Variants in SATB2 observed in about 807,000 individuals in gnomAD.
SATB2 encodes DNA-binding protein SATB2.
A neutral mutation model predicts 73.4 loss-of-function variants in SATB2; 1 was observed. The ratio of observed to expected loss-of-function variants is 0.01; its 90% CI spans 0.00 to 0.06. The LOEUF (loss-of-function observed/expected upper bound fraction) is 0.06. Among genes scored for constraint, SATB2 ranks in the 10% least tolerant of loss-of-function variants. The pLI is 1.00. For missense variants in SATB2, 459 were observed against 945.8 expected (o/e 0.49, Z 6.75); for synonymous variants, 397 against 367.0 (o/e 1.08, Z -0.93).
chr2:199,318,600 C>T (rs771290497), intron 9 of SATB2, among the ~76,000 whole-genome samples: 9 of 152,108 alleles, frequency 5.9e-5, no homozygotes, highest in Admixed American at 1.3e-4. Context: ...CTAACTATGT[C>T]TGGGTCATGA....
At chr2:199,396,070 A>G (rs1690291734) in intron 3 of SATB2, 1 of 152,252 alleles carries the variant, frequency 6.6e-6, no homozygotes, top group Non-Finnish European at 1.5e-5. Context: ...GTGATTTTCA[A>G]TATGGGCTAA....
intron 10 of SATB2, among the ~76,000 whole-genome samples, chr2:199,306,841 T>C (rs1239022923): frequency 6.6e-6 from 1 of 152,186 alleles, no homozygotes; most frequent in African/African-American, 2.4e-5. Context: ...CCCTCAATTA[T>C]AACAAACAAT....
At position 199,272,036 on chromosome 2, in the gene SATB2, T is replaced by C. The variant is rs1692172753; in HGVS notation, c.*175A>G. ...TTATTCAGTCTATAGGTGTATCCTG[T>C]GCAACAAAGAAATGTCCAAAAGGGT... is the stretch of plus-strand genomic sequence containing the variant. On this transcript the variant is annotated 3_prime_UTR_variant, in exon 11 of 11. Transcript: ENST00000417098. The surrounding 1 kb of genome is among the most constrained non-coding windows in gnomAD (Gnocchi z 6.7). 5.9e-6 allele frequency: 4 copies of C among 675,464 alleles called. No individual in the cohort carries two copies. The highest frequency in any genetic ancestry group is 1.7e-5 in the South Asian group (1 of 58,916). The allele number at this position is 675,464 out of a possible 1,614,324, so 41.8% of individuals were successfully genotyped here. A position where few individuals can be genotyped will look rare whatever the true frequency, so the allele number is the denominator to read the frequency against.
intron 10 of SATB2, among the ~76,000 whole-genome samples, chr2:199,300,514 C>T (rs1687252737): frequency 6.6e-6 from 1 of 151,838 alleles, no homozygotes; most frequent in South Asian, 2.1e-4. Flanking sequence ...CTTTAAAAAT[C>T]TCAATATTCT....
intron 3 of SATB2, among the ~76,000 whole-genome samples, chr2:199,412,603 T>G (rs915641959): frequency 6.6e-6 from 1 of 152,154 alleles, no homozygotes; most frequent in African/African-American, 2.4e-5. Context: ...AACTAGGTAA[T>G]AAGTCCCCCA....
chr2:199,332,614 C>T (rs1178119166), intron 7 of SATB2, among the ~76,000 whole-genome samples: 2 of 151,860 alleles, frequency 1.3e-5, no homozygotes, highest in African/African-American at 4.8e-5. Flanking sequence ...AAATTAATGC[C>T]CTTATTTTTT....
rs115236780 is a variant in SATB2, at chr2:199,455,227, T to C, written c.169+642A>G. On this transcript the variant is annotated intron_variant, in intron 2 of 10. Coordinates refer to ENST00000417098, the MANE Select transcript of SATB2 (RefSeq NM_001172509.2). This position sits in a 1 kb window ranked among gnomAD's most constrained non-coding sequence, Gnocchi z 4.1. The stretch of plus-strand genomic sequence containing the variant: ...TCTTTGGAGGGGAAACTACATCTAG[T>C]TGATAAGGCTACTTTGCTATTTTTA... 6.7e-3 allele frequency among the ~76,000 whole-genome samples: 1,017 copies of C among 152,370 alleles called. 11 individuals are homozygous for C. Among genetic ancestry groups the C allele is most frequent in the African/African-American group, 0.019 (790 of 41,592 alleles).
chr2:199,429,149 T>C (rs79178706), intron 3 of SATB2, among the ~76,000 whole-genome samples: 4,393 of 152,284 alleles, frequency 0.029, 237 homozygotes, highest in African/African-American at 0.1. Context: ...ATCTGTATCA[T>C]GTATAAATTT....
chr2:199,307,614 C>T (rs575776892), intron 10 of SATB2, among the ~76,000 whole-genome samples: 8 of 152,264 alleles, frequency 5.3e-5, no homozygotes, highest in South Asian at 4.1e-4. Context: ...ATTCACTCTG[C>T]GACTTTGGCC....
intron 6 of SATB2, among the ~76,000 whole-genome samples, chr2:199,360,510 G>C (rs948133063): frequency 5.9e-5 from 9 of 152,040 alleles, no homozygotes; most frequent in African/African-American, 1.4e-4. Flanking sequence ...CATGGCATGA[G>C]CTGCCCATCC....
At chr2:199,293,554 C>T (rs948546884) in intron 10 of SATB2, among the ~76,000 whole-genome samples, 1 of 151,962 alleles carries the variant, frequency 6.6e-6, no homozygotes, top group African/African-American at 2.4e-5. Flanking sequence ...AGCCTTAATG[C>T]ATGAAAGCTA....
rs1412997101 is a variant in SATB2 at position 199,363,426 on chromosome 2, AT to A, written c.700+5178del. Reference sequence around the variant, plus strand: ...ACAAATGCTGCACGTTCTCACTTATATGTGGAATTTAAAACAATTGAATTCA... The same window carrying A: ...ACAAATGCTGCACGTTCTCACTTATAGTGGAATTTAAAACAATTGAATTCA... On this transcript the variant is annotated intron_variant, in intron 6 of 10. Coordinates refer to ENST00000417098, the MANE Select transcript of SATB2 (RefSeq NM_001172509.2). 7.2e-5 allele frequency among the ~76,000 whole-genome samples: 11 copies of A among 152,348 alleles called. No homozygotes were observed. In the East Asian group the frequency reaches 1.9e-3, roughly 27 times the overall value.
At chr2:199,304,088 A>T (rs1687364034) in intron 10 of SATB2, among the ~76,000 whole-genome samples, 1 of 152,146 alleles carries the variant, frequency 6.6e-6, no homozygotes, top group Non-Finnish European at 1.5e-5. Context: ...TGGTCAGAGG[A>T]AAGACTGGAT....
At chr2:199,443,021 A>ATTTTTTTTTTTTTTTTTTTTTTT (rs10673737) in intron 2 of SATB2, among the ~76,000 whole-genome samples, 1 of 133,588 alleles carries the variant, frequency 7.5e-6, no homozygotes, top group African/African-American at 2.8e-5. Context: ...GTTTCTGAGA[A>ATTTTTTTTTTTTTTTTTTTTTTT]TTTTTTTTTT....
At chr2:199,277,265 T>C (rs1358598355) in intron 10 of SATB2, among the ~76,000 whole-genome samples, 1 of 152,220 alleles carries the variant, frequency 6.6e-6, no homozygotes, top group African/African-American at 2.4e-5. Context: ...GTTAAAAGGA[T>C]GTGTGTATGT....
At chr2:199,321,829 C>T (rs2105786585) in intron 9 of SATB2, among the ~76,000 whole-genome samples, 1 of 151,978 alleles carries the variant, frequency 6.6e-6, no homozygotes, top group South Asian at 2.1e-4. Context: ...CAGCTATTTA[C>T]AATAAGGTTC....
At chr2:199,362,733 T>G (rs913663292) in intron 6 of SATB2, among the ~76,000 whole-genome samples, 1 of 152,202 alleles carries the variant, frequency 6.6e-6, no homozygotes, top group African/African-American at 2.4e-5. Flanking sequence ...TGTTTTTGAA[T>G]GACAAGATAT....
intron 5 of SATB2, among the ~76,000 whole-genome samples, chr2:199,376,697 T>G (rs1689615791): frequency 6.6e-6 from 1 of 152,124 alleles, no homozygotes; most frequent in African/African-American, 2.4e-5. Flanking sequence ...GGACAGTCCA[T>G]CTAGTGATGG....
intron 5 of SATB2, among the ~76,000 whole-genome samples, chr2:199,379,691 T>C (rs1213669485): frequency 3.3e-5 from 5 of 149,372 alleles, no homozygotes; most frequent in African/African-American, 1.2e-4. Context: ...TCTTTTTTTT[T>C]TTTTTTTTTT....
Sources: gnomAD v4.1 joint callset for allele counts (sites outside exome capture counted in the v4.1 genomes callset) on GRCh38, gnomAD v4.1.1 for gene constraint, Gnocchi (gnomAD v3.1) non-coding constraint, MANE v1.5 for transcripts, NCBI Gene and HGNC (gene_info 2026-07-23, HGNC 2026-07-21) for gene names.